STIMATE: variants seen among roughly 807,000 people sequenced by gnomAD.
STIMATE encodes the protein STIM activating enhancer, also known as store-operated calcium entry regulator STIMATE.
STIMATE carries 15 observed loss-of-function variants against 36.7 expected under a neutral mutation model. The observed-to-expected ratio is 0.41, with a 90% CI of 0.27 to 0.63. The LOEUF (loss-of-function observed/expected upper bound fraction) is 0.63. Ranked by LOEUF, STIMATE falls within the 20% of genes least tolerant of loss-of-function variation. STIMATE has a pLI of 0.32. For synonymous variants in STIMATE, 163 were observed against 162.3 expected, an observed-to-expected ratio of 1.00 and a Z score of -0.03; for missense variants, 305 against 397.3, an observed-to-expected ratio of 0.77 and a Z score of 1.98.
intron 1 of STIMATE, among the ~76,000 whole-genome samples, chr3:52,871,844 C>G (rs1440916253): frequency 6.6e-6 from 1 of 152,116 alleles, no homozygotes; most frequent in Non-Finnish European, 1.5e-5. Flanking sequence ...CAAACACAAC[C>G]CCCCCATGCC....
At chr3:52,842,204 A>G (rs553759796) in intron 7 of STIMATE, among the ~76,000 whole-genome samples, 28 of 152,240 alleles carry the variant, frequency 1.8e-4, no homozygotes, top group African/African-American at 6.7e-4. Context: ...CATGCCTCCC[A>G]CGAGCTGGCC....
In STIMATE at chr3:52,876,254, C is replaced by A. The variant is rs547828974; in HGVS notation, c.161-20810G>T. On this transcript the variant is annotated intron_variant, in intron 1 of 7. Transcript: ENST00000355083. ...GCTGAAGTCCAACAGGCAGCAAGCA[C>A]TAGGGTCAGGACCAGAACCCAGGCC... 5.3e-5 allele frequency among the ~76,000 whole-genome samples: 8 copies of A among 152,342 alleles called. 1 individual carries two copies. In the East Asian group the frequency reaches 1.5e-3, roughly 29 times the overall value.
chr3:52,867,168 G>A (rs1701326173), intron 1 of STIMATE, among the ~76,000 whole-genome samples: 1 of 152,182 alleles, frequency 6.6e-6, no homozygotes, highest in Non-Finnish European at 1.5e-5. Context: ...CAGGGCTCTT[G>A]GCACAAAGCT....
At chr3:52,877,965 A>T (rs1299054471) in intron 1 of STIMATE, among the ~76,000 whole-genome samples, 1 of 152,046 alleles carries the variant, frequency 6.6e-6, no homozygotes, top group South Asian at 2.1e-4. Flanking sequence ...GTGGTGGCAC[A>T]TGCCTGTAGT....
chr3:52,873,807 C>T (rs1701451051), intron 1 of STIMATE, among the ~76,000 whole-genome samples: 1 of 152,164 alleles, frequency 6.6e-6, no homozygotes, highest in Non-Finnish European at 1.5e-5. Flanking sequence ...AGGACCCTAC[C>T]CTGTGAGCCA....
intron 1 of STIMATE, among the ~76,000 whole-genome samples, chr3:52,864,898 T>C (rs1204145922): frequency 6.6e-6 from 1 of 151,994 alleles, no homozygotes; most frequent in African/African-American, 2.4e-5. Context: ...CTGGACCTTG[T>C]CTACATCACT....
chr3:52,897,029 G>A (rs1460614296), intron 1 of STIMATE, among the ~76,000 whole-genome samples: 3 of 152,284 alleles, frequency 2.0e-5, no homozygotes, highest in East Asian at 3.9e-4. Flanking sequence ...TGGTAAGGTG[G>A]GAGGTAGGCG....
intron 1 of STIMATE, among the ~76,000 whole-genome samples, chr3:52,881,999 C>T (rs773979993): frequency 1.3e-5 from 2 of 152,156 alleles, no homozygotes; most frequent in African/African-American, 2.4e-5. Flanking sequence ...AACTTAATGG[C>T]CTAAAGAAGT....
At chr3:52,866,651 A>C (rs1421494802) in intron 1 of STIMATE, among the ~76,000 whole-genome samples, 1 of 151,952 alleles carries the variant, frequency 6.6e-6, no homozygotes, top group African/African-American at 2.4e-5. Context: ...TCCACACGCC[A>C]CTCTCACTTG....
At chr3:52,875,664 C>T (rs1233306180) in intron 1 of STIMATE, among the ~76,000 whole-genome samples, 3 of 152,210 alleles carry the variant, frequency 2.0e-5, no homozygotes, top group Admixed American at 6.5e-5. Context: ...TGAGGTCCAC[C>T]TGTCAAGAGT....
chr3:52,896,397 T>A (rs1302803979), intron 1 of STIMATE, among the ~76,000 whole-genome samples: 1 of 152,088 alleles, frequency 6.6e-6, no homozygotes, highest in African/African-American at 2.4e-5. Flanking sequence ...CTCCTAGGCT[T>A]ACATGTCGAG....
rs74472481 is a variant in STIMATE at position 52,888,510 on chromosome 3, C to A, written c.160+8781G>T. On this transcript the variant is annotated intron_variant, in intron 1 of 7. Coordinates refer to ENST00000355083, the MANE Select transcript of STIMATE (RefSeq NM_198563.5). ...GCACAGGGCTCTGGGTAAAAGGATG[C>A]GGCATGCACCGTGTGGCTGTGTTTC... is the stretch of plus-strand genomic sequence containing the variant. Among the ~76,000 whole-genome samples, 604 of 152,320 alleles carry A rather than the reference C, an allele frequency of 4.0e-3. 2 individuals carry two copies. The highest frequency in any genetic ancestry group is 0.014 in the African/African-American group (564 of 41,574).
chr3:52,894,168 C>T (rs1273838864), intron 1 of STIMATE, among the ~76,000 whole-genome samples: 1 of 152,228 alleles, frequency 6.6e-6, no homozygotes, highest in Admixed American at 6.5e-5. Context: ...ACCTAGCAGA[C>T]ACTTCAGAAA....
chr3:52,848,886 G>A (rs1447837224), intron 4 of STIMATE, among the ~76,000 whole-genome samples: 1 of 152,204 alleles, frequency 6.6e-6, no homozygotes, highest in Admixed American at 6.5e-5. Flanking sequence ...GCTAAGAAAA[G>A]CCCTGCCCTG....
At chr3:52,845,323 G>T (rs539418756) in intron 4 of STIMATE, among the ~76,000 whole-genome samples, 125 of 152,350 alleles carry the variant, frequency 8.2e-4, no homozygotes, top group Non-Finnish European at 1.6e-3. Flanking sequence ...TCCAGTGACA[G>T]CGGGGCTGCC....
chr3:52,878,403 A>G (rs752627033), intron 1 of STIMATE, among the ~76,000 whole-genome samples: 6 of 151,448 alleles, frequency 4.0e-5, no homozygotes, highest in African/African-American at 7.3e-5. Context: ...CCTATGGTCC[A>G]GGCTGTATCA....
At chr3:52,852,785 A>C in intron 2 of STIMATE, 87 bp from the exon 3 acceptor site, 2 of 1,523,794 alleles carry the variant, frequency 1.3e-6, no homozygotes, top group Non-Finnish European at 8.9e-7. Context: ...AAACAGGAAG[A>C]AAGCCACCCC....
At position 52,839,184 on chromosome 3, in the gene STIMATE, G is replaced by A; in HGVS notation, c.*1310C>T. 1 of 152,298 alleles carries A rather than the reference G, an allele frequency of 6.6e-6. No homozygotes were observed. Among genetic ancestry groups the A allele is most frequent in the East Asian group, 1.9e-4 (1 of 5,200 alleles). The allele number at this position is 152,298 out of a possible 1,614,324, so 9.4% of individuals were successfully genotyped here. On this transcript the variant is annotated 3_prime_UTR_variant, in exon 8 of 8. Transcript: ENST00000355083. Reference sequence around the variant, plus strand: ...GCCCTGCCTGTGGTTTAGAGAGTGAGCTCTCTCACCCCTGCCTCCCTTAGC... The same window carrying A: ...GCCCTGCCTGTGGTTTAGAGAGTGAACTCTCTCACCCCTGCCTCCCTTAGC...
At position 52,891,751 on chromosome 3, in the gene STIMATE, A is replaced by G. The variant is rs539864342; in HGVS notation, c.160+5540T>C. Among the ~76,000 whole-genome samples, 3 of 152,328 alleles carry G rather than the reference A, an allele frequency of 2.0e-5. No individual in the cohort carries two copies. The South Asian group carries it at 6.2e-4, about 32-fold the overall frequency. On this transcript the variant is annotated intron_variant, in intron 1 of 7. Transcript: ENST00000355083. The stretch of plus-strand genomic sequence containing the variant: ...AAGACATTGTACAAACAAGAAAGAA[A>G]GGGGAATGTTTAACCTAATTCAGAA...
Sources: gnomAD v4.1 joint callset for allele counts (sites outside exome capture counted in the v4.1 genomes callset) on GRCh38, gnomAD v4.1.1 for gene constraint, MANE v1.5 for transcripts, NCBI Gene and HGNC (gene_info 2026-07-23, HGNC 2026-07-21) for gene names.